The following FMNL2 variants were observed in gnomAD, a reference collection of about 807,000 sequenced individuals.
The protein encoded by FMNL2 is formin-like protein 2.
Under a neutral mutation model 130.2 loss-of-function variants are expected in FMNL2, and 51 were observed. The ratio of observed to expected loss-of-function variants is 0.39; its 90% confidence interval spans 0.31 to 0.49. FMNL2 has a LOEUF of 0.49. Ranked by LOEUF, FMNL2 falls within the 20% of genes least tolerant of loss-of-function variation. The probability of loss-of-function intolerance (pLI) is 0.85; values close to 1 mark genes in which losing one functional copy is unlikely to be tolerated. For synonymous variants in FMNL2, 465 were observed against 467.1 expected, an observed-to-expected ratio of 1.00 and a Z score of 0.06; for missense variants, 977 against 1,316.2, an observed-to-expected ratio of 0.74 and a Z score of 3.99.
At chr2:152,441,246 G>A (rs1466766929) in intron 1 of FMNL2, among the ~76,000 whole-genome samples, 2 of 152,194 alleles carry the variant, frequency 1.3e-5, no homozygotes, top group African/African-American at 4.8e-5. Flanking sequence ...GTTTTATGAT[G>A]TAGCAAGTGA....
chr2:152,418,447 A>G (rs757976284), intron 1 of FMNL2, among the ~76,000 whole-genome samples: 2 of 152,160 alleles, frequency 1.3e-5, no homozygotes, highest in Non-Finnish European at 2.9e-5. Flanking sequence ...CCCATTAAAC[A>G]GTAACTCTTC....
intron 1 of FMNL2, among the ~76,000 whole-genome samples, chr2:152,418,093 G>A (rs1686712027): frequency 1.3e-5 from 2 of 152,056 alleles, no homozygotes; most frequent in South Asian, 4.1e-4. Context: ...TAATCTGCCT[G>A]CCTTAGACTC....
At chr2:152,579,052 C>A in intron 8 of FMNL2, 88 bp downstream of exon 8, 1 of 1,056,768 alleles carries the variant, frequency 9.5e-7, no homozygotes. Context: ...ACTTTGGAAA[C>A]TTTCAAGTGT....
At chr2:152,592,526 T>C (rs1172513926) in intron 9 of FMNL2, among the ~76,000 whole-genome samples, 9 of 152,218 alleles carry the variant, frequency 5.9e-5, no homozygotes, top group Admixed American at 2.6e-4. Context: ...ATTTTCTTCT[T>C]TATTGTCAAC....
chr2:152,624,983 C>A (rs989727256), intron 15 of FMNL2, among the ~76,000 whole-genome samples: 1 of 152,194 alleles, frequency 6.6e-6, no homozygotes, highest in Non-Finnish European at 1.5e-5. Context: ...TGTCTGCAGT[C>A]CCTGATCATC....
chr2:152,542,843 TTTG>T (rs772278080), intron 3 of FMNL2, 24 bp downstream of exon 3: 3 of 1,610,030 alleles, frequency 1.9e-6, no homozygotes, highest in Non-Finnish European at 2.6e-6. Context: ...GTTTCCACTC[TTTG>T]TTATTGCTTC....
At chr2:152,643,006 C>T (rs1301990685) in intron 25 of FMNL2, among the ~76,000 whole-genome samples, 1 of 70,432 alleles carries the variant, frequency 1.4e-5, no homozygotes, top group African/African-American at 4.6e-5. Context: ...GAGACTCTGT[C>T]TCAAAAAAAA....
At chr2:152,413,540 G>A (rs1686437394) in intron 1 of FMNL2, among the ~76,000 whole-genome samples, 1 of 152,152 alleles carries the variant, frequency 6.6e-6, no homozygotes, top group Non-Finnish European at 1.5e-5. Flanking sequence ...AGAAGGTGGG[G>A]CAAGGAATGT....
intron 23 of FMNL2, among the ~76,000 whole-genome samples, chr2:152,637,940 C>T (rs1416082858): frequency 1.3e-5 from 2 of 152,208 alleles, no homozygotes; most frequent in African/African-American, 4.8e-5. Flanking sequence ...ACATTGCTGC[C>T]CCATTGACTG....
chr2:152,392,656 A>C (rs1045849917), intron 1 of FMNL2, among the ~76,000 whole-genome samples: 1 of 152,182 alleles, frequency 6.6e-6, no homozygotes, highest in Non-Finnish European at 1.5e-5. Flanking sequence ...GAGAGGGAGA[A>C]GCCATCATGG....
At chr2:152,475,103 G>A (rs186590881) in intron 1 of FMNL2, among the ~76,000 whole-genome samples, 2 of 152,238 alleles carry the variant, frequency 1.3e-5, no homozygotes, top group Admixed American at 6.5e-5. Flanking sequence ...GAAGAATTAT[G>A]CAAAAAATAA....
intron 1 of FMNL2, among the ~76,000 whole-genome samples, chr2:152,368,494 C>A (rs1683695474): frequency 6.6e-6 from 1 of 151,498 alleles, no homozygotes; most frequent in Non-Finnish European, 1.5e-5. Flanking sequence ...GTAAAAATAG[C>A]AACTAATTCT....
intron 1 of FMNL2, among the ~76,000 whole-genome samples, chr2:152,480,694 CA>C (rs112973717): frequency 1.5e-5 from 1 of 67,226 alleles, no homozygotes; most frequent in South Asian, 5.2e-4. Flanking sequence ...ACAAACAAAA[CA>C]AAAAAAACTT....
At chr2:152,505,876 AATTG>A (rs979833461) in intron 1 of FMNL2, among the ~76,000 whole-genome samples, 10 of 152,214 alleles carry the variant, frequency 6.6e-5, no homozygotes, top group Non-Finnish European at 1.3e-4. Flanking sequence ...GCGGCCATAT[AATTG>A]ATCATCCAGA....
At chr2:152,384,086 T>A (rs1558815126) in intron 1 of FMNL2, among the ~76,000 whole-genome samples, 2 of 152,230 alleles carry the variant, frequency 1.3e-5, no homozygotes, top group African/African-American at 2.4e-5. Context: ...TTTTTGTGAA[T>A]GCTTACTTTG....
At chr2:152,447,650 A>C (rs184219976) in intron 1 of FMNL2, among the ~76,000 whole-genome samples, 1 of 151,976 alleles carries the variant, frequency 6.6e-6, no homozygotes, top group Non-Finnish European at 1.5e-5. Context: ...CCCCATTTCT[A>C]TCTTACATCA....
At chr2:152,375,927 T>C (rs1684145693) in intron 1 of FMNL2, among the ~76,000 whole-genome samples, 1 of 149,892 alleles carries the variant, frequency 6.7e-6, no homozygotes, top group Non-Finnish European at 1.5e-5. Context: ...ACAGTCTTGC[T>C]TAGTCCTCCA....
chr2:152,605,344 C>A (rs1255900231), intron 9 of FMNL2, among the ~76,000 whole-genome samples: 1 of 151,800 alleles, frequency 6.6e-6, no homozygotes, highest in African/African-American at 2.4e-5. Flanking sequence ...ATTTTTGAGA[C>A]AGGGTCTTGC....
chr2:152,536,018 C>A (rs541607399), intron 2 of FMNL2, among the ~76,000 whole-genome samples: 1 of 152,302 alleles, frequency 6.6e-6, no homozygotes, highest in African/African-American at 2.4e-5. Context: ...CTTTGGGAAT[C>A]CAGGTCTATT....
Sources: allele counts gnomAD v4.1 joint callset (sites outside exome capture counted in the v4.1 genomes callset), GRCh38; gene constraint gnomAD v4.1.1; transcripts MANE v1.5; gene names NCBI Gene and HGNC (gene_info 2026-07-23, HGNC 2026-07-21).